The following EPHX2 variants were observed in gnomAD, a reference collection of about 807,000 sequenced individuals.
The protein encoded by EPHX2 is epoxide hydrolase 2.
A neutral mutation model predicts 78.7 loss-of-function variants in EPHX2; 74 were observed. The observed-to-expected ratio is 0.94, with a 90% CI of 0.78 to 1.14. The LOEUF (loss-of-function observed/expected upper bound fraction) is 1.14, where lower values mean the gene tolerates loss of function less well. Ranked by LOEUF, EPHX2 falls within the 50% of genes most tolerant of loss-of-function variation. The pLI is 0.00. For synonymous variants in EPHX2, 251 were observed against 255.2 expected (o/e 0.98, Z 0.16); for missense variants, 715 against 702.5 (o/e 1.02, Z -0.20).
At position 27,491,222 on chromosome 8, in the gene EPHX2, C is replaced by A. The variant is rs750640017; in HGVS notation, c.14C>A (p.Ala5Glu). ...AGACCCGCCGCCATGACGCTGCGCG[C>A]GGCCGTCTTCGACCTTGACGGGGTG... MTLR[A>E]AVFDLDGVLA... is the part of the protein sequence containing the mutation. The change falls in exon 1 of 19, where the codon GCG becomes GAG. Residue 5 changes from alanine (A) to glutamate (E), a missense_variant. By Grantham distance (107) the Ala-to-Glu change is moderately radical. Coordinates refer to ENST00000521400, the MANE Select transcript of EPHX2 (RefSeq NM_001979.6). The A allele has an allele frequency of 6.3e-7, 1 of 1,582,852 alleles. No homozygotes were observed. The highest frequency in any genetic ancestry group is 8.5e-7 in the Non-Finnish European group (1 of 1,173,176).
intron 12 of EPHX2, among the ~76,000 whole-genome samples, chr8:27,535,748 G>A (rs2132789686): frequency 6.6e-6 from 1 of 152,238 alleles, no homozygotes; most frequent in South Asian, 2.1e-4. Flanking sequence ...CCTGGAGAGG[G>A]TTGGGGTAGG....
intron 12 of EPHX2, among the ~76,000 whole-genome samples, chr8:27,530,117 G>T (rs60141717): frequency 4.0e-5 from 6 of 149,746 alleles, no homozygotes; most frequent in Admixed American, 1.3e-4. Context: ...AAGTCCTGGC[G>T]TCAAGTGATC....
At chr8:27,524,164 C>A (rs1386168013) in intron 11 of EPHX2, among the ~76,000 whole-genome samples, 1 of 152,122 alleles carries the variant, frequency 6.6e-6, no homozygotes, top group African/African-American at 2.4e-5. Flanking sequence ...AACTCCTGGC[C>A]TCAAGTGATC....
At chr8:27,526,795 G>T (rs952237716) in intron 12 of EPHX2, among the ~76,000 whole-genome samples, 1 of 152,038 alleles carries the variant, frequency 6.6e-6, no homozygotes, top group Non-Finnish European at 1.5e-5. Context: ...TGTCACTCAG[G>T]CTGGAGTGCA....
chr8:27,511,774 G>A (rs1814257081), intron 5 of EPHX2, 62 bp from the exon 6 acceptor site: 1 of 1,546,586 alleles, frequency 6.5e-7, no homozygotes, highest in Admixed American at 1.7e-5. Flanking sequence ...CCAGTATTCA[G>A]GAGAGCCTCT....
At position 27,522,480 on chromosome 8, in the gene EPHX2, A is replaced by G; in HGVS notation, c.1030A>G (p.Met344Val). Residue 344 changes from methionine to valine, a missense_variant, in exon 11 of 19, where the codon ATG becomes GTG. Coordinates refer to ENST00000521400, the MANE Select transcript of EPHX2 (RefSeq NM_001979.6). Reference sequence around the variant, plus strand: ...CTGGGGTGGCATGCTGGTGTGGTACATGGCTCTCTTCTACCCCGAGAGAGT... The same window carrying G: ...CTGGGGTGGCATGCTGGTGTGGTACGTGGCTCTCTTCTACCCCGAGAGAGT... Reference protein sequence around the residue: ...HDWGGMLVWYMALFYPERVRA... With the variant: ...HDWGGMLVWYVALFYPERVRA... 7 of 1,614,098 alleles carry G rather than the reference A, an allele frequency of 4.3e-6. No homozygotes were observed. The highest frequency in any genetic ancestry group is 5.9e-6 in the Non-Finnish European group (7 of 1,180,006).
chr8:27,503,790 A>G (rs1328276017), intron 3 of EPHX2, 27 bp downstream of exon 3: 11 of 1,598,740 alleles, frequency 6.9e-6, no homozygotes, highest in Non-Finnish European at 9.4e-6. Context: ...GGCCAATCTC[A>G]GGCCGAACCA....
chr8:27,520,284 G>T (rs1458616337), intron 9 of EPHX2, among the ~76,000 whole-genome samples: 2 of 151,418 alleles, frequency 1.3e-5, no homozygotes, highest in African/African-American at 4.9e-5. Context: ...TCCTGCCTCA[G>T]CCTCCTGAGT....
At chr8:27,536,711 A>T (rs1346474869) in intron 12 of EPHX2, 73 bp from the exon 13 acceptor site, 1 of 1,534,982 alleles carries the variant, frequency 6.5e-7, no homozygotes, top group Non-Finnish European at 9.0e-7. Context: ...TGTTGCTTTC[A>T]GTCAGATGAA....
chr8:27,496,285 T>C (rs535348905), intron 1 of EPHX2, among the ~76,000 whole-genome samples: 18 of 152,296 alleles, frequency 1.2e-4, no homozygotes, highest in Admixed American at 1.1e-3. Context: ...ATCATCCACA[T>C]ACTGAAGGAC....
Position 27,522,406 on chromosome 8 carries a change from T to C in EPHX2, c.973-17T>C, listed in dbSNP as rs1359812652. The C allele has an allele frequency of 9.3e-6, 15 of 1,612,864 alleles. No individual in the cohort carries two copies. Among genetic ancestry groups the C allele is most frequent in the Non-Finnish European group, 1.2e-5 (14 of 1,179,478 alleles). ...GAAGCCTCCCCACATTCGGCTCCCT[T>C]CTTTTTCCTTCTCTAGGGCCTCTCT... On this transcript the variant is annotated splice_polypyrimidine_tract_variant and intron_variant, in intron 10 of 18. Coordinates refer to ENST00000521400, the MANE Select transcript of EPHX2 (RefSeq NM_001979.6).
chr8:27,530,256 A>G (rs1259541271), intron 12 of EPHX2, among the ~76,000 whole-genome samples: 1 of 152,160 alleles, frequency 6.6e-6, no homozygotes, highest in African/African-American at 2.4e-5. Flanking sequence ...GCTGGTGATT[A>G]GTTACAGAGT....
chr8:27,494,515 C>T (rs1473247715), intron 1 of EPHX2, among the ~76,000 whole-genome samples: 1 of 152,236 alleles, frequency 6.6e-6, no homozygotes, highest in Non-Finnish European at 1.5e-5. Flanking sequence ...CAGGACAAGG[C>T]TTCATCCAAT....
At chr8:27,498,148 C>G (rs546747835) in intron 1 of EPHX2, among the ~76,000 whole-genome samples, 1 of 152,320 alleles carries the variant, frequency 6.6e-6, no homozygotes, top group East Asian at 1.9e-4. Flanking sequence ...TTCCCCAGGT[C>G]TACCTTGATC....
chr8:27,529,224 A>G (rs1013495229), intron 12 of EPHX2, among the ~76,000 whole-genome samples: 3 of 152,204 alleles, frequency 2.0e-5, no homozygotes, highest in African/African-American at 7.2e-5. Flanking sequence ...GAATCTGCCA[A>G]GTCTGCTGGA....
chr8:27,518,189 A>C, intron 9 of EPHX2, 117 bp downstream of exon 9: 2 of 797,044 alleles, frequency 2.5e-6, no homozygotes, highest in South Asian at 3.4e-5. Flanking sequence ...TCTGGGTATA[A>C]ATTCCTACTG....
At chr8:27,517,670 T>G (rs1400659290) in intron 8 of EPHX2, among the ~76,000 whole-genome samples, 1 of 152,148 alleles carries the variant, frequency 6.6e-6, no homozygotes, top group Non-Finnish European at 1.5e-5. Context: ...AAACAAATGG[T>G]GGTGGGGAAA....
chr8:27,536,960 T>C, intron 13 of EPHX2, 105 bp downstream of exon 13: 12 of 1,196,898 alleles, frequency 1.0e-5, no homozygotes, highest in South Asian at 1.4e-5. Context: ...GGCCTCCTTT[T>C]CTTTCATTTC....
chr8:27,520,172 T>C (rs952807907), intron 9 of EPHX2, among the ~76,000 whole-genome samples: 3 of 151,556 alleles, frequency 2.0e-5, no homozygotes, highest in African/African-American at 7.3e-5. Flanking sequence ...ATTTTATTTT[T>C]TTTATTTTTT....
Sources: allele counts gnomAD v4.1 joint callset (sites outside exome capture counted in the v4.1 genomes callset), GRCh38; gene constraint gnomAD v4.1.1; transcripts MANE v1.5; gene names NCBI Gene and HGNC (gene_info 2026-07-23, HGNC 2026-07-21).